GPC1: variants seen among roughly 807,000 people sequenced by gnomAD.
GPC1 encodes the protein glypican 1.
A neutral mutation model predicts 51.5 loss-of-function variants in GPC1; 26 were observed. The ratio of observed to expected loss-of-function variants is 0.50; its 90% CI spans 0.37 to 0.70. The LOEUF (loss-of-function observed/expected upper bound fraction) is 0.70. Ranked by LOEUF, GPC1 falls within the 30% of genes least tolerant of loss-of-function variation. GPC1 has a pLI of 0.00. For missense variants in GPC1, 775 were observed against 800.5 expected, an observed-to-expected ratio of 0.97 and a Z score of 0.38; for synonymous variants, 380 against 348.3, an observed-to-expected ratio of 1.09 and a Z score of -1.01.
chr2:240,452,637 G>T (rs1254272696), intron 1 of GPC1, among the ~76,000 whole-genome samples: 1 of 152,008 alleles, frequency 6.6e-6, no homozygotes, highest in Non-Finnish European at 1.5e-5. Context: ...GGAGGGAGGG[G>T]CCCGGCCTCG....
At position 240,465,175 on chromosome 2, in the gene GPC1, T is replaced by C. The variant is rs1478950737; in HGVS notation, c.1233T>C (p.Ser411=). 9 of 1,611,976 alleles carry C rather than the reference T, an allele frequency of 5.6e-6. No homozygotes were observed. Among genetic ancestry groups the C allele is most frequent in the African/African-American group, 2.7e-5 (2 of 74,920 alleles). ...CSEKMALSTA[S]DDRCWNGMAR... ...AGAAGATGGCCCTGAGCACTGCCAGTGATGACCGCTGCTGGAACGGGATGG... is the reference window on the plus strand; with the variant it reads ...AGAAGATGGCCCTGAGCACTGCCAGCGATGACCGCTGCTGGAACGGGATGG... Residue 411 remains serine, a synonymous_variant, in exon 7 of 9, where the codon AGT becomes AGC. Transcript: ENST00000264039.
chr2:240,456,871 G>A (rs1482495156), intron 1 of GPC1, among the ~76,000 whole-genome samples: 3 of 152,154 alleles, frequency 2.0e-5, no homozygotes, highest in South Asian at 2.1e-4. Flanking sequence ...GCCTGAGGGC[G>A]CCTTCCCACC....
Position 240,448,673 on chromosome 2 carries a change from C to G in GPC1, c.167-10357C>G, listed in dbSNP as rs1333870692. On this transcript the variant is annotated intron_variant, in intron 1 of 8. Coordinates refer to ENST00000264039, the MANE Select transcript of GPC1 (RefSeq NM_002081.3). This position sits in a 1 kb window ranked among gnomAD's most constrained non-coding sequence, Gnocchi z 4.5. ...TCAGGCAGGCACATGACAGGACCAC[C>G]TGCTCAGAGTCTCCCTGGGCTGGGA... Among the ~76,000 whole-genome samples, 2 of 151,842 alleles carry G rather than the reference C, an allele frequency of 1.3e-5. No homozygotes were observed. Among genetic ancestry groups the G allele is most frequent in the Admixed American group, 1.3e-4 (2 of 15,248 alleles).
intron 1 of GPC1, chr2:240,456,087 G>A (rs1378389321): frequency 6.3e-6 from 2 of 315,472 alleles, no homozygotes; most frequent in Non-Finnish European, 1.3e-5. Flanking sequence ...TGGGGCAGCT[G>A]GAACAACGCA....
At chr2:240,436,126 C>T in intron 1 of GPC1, 42 bp downstream of exon 1, 1 of 1,216,580 alleles carries the variant, frequency 8.2e-7, no homozygotes, top group Non-Finnish European at 1.0e-6. Flanking sequence ...CCTGGCCGGG[C>T]TTTGGGCTCC....
intron 1 of GPC1, chr2:240,452,336 A>C (rs1034808414): frequency 1.3e-5 from 2 of 152,154 alleles, no homozygotes; most frequent in Non-Finnish European, 2.9e-5. Flanking sequence ...GGGGGTCTGG[A>C]GTCAAGGCCC....
intron 1 of GPC1, among the ~76,000 whole-genome samples, chr2:240,445,627 G>A (rs1407995574): frequency 6.6e-6 from 1 of 152,326 alleles, no homozygotes. Context: ...TTCTGTGGGT[G>A]CACGGATGAG....
At chr2:240,450,207 G>C (rs1574762592) in intron 1 of GPC1, 2 of 323,982 alleles carry the variant, frequency 6.2e-6, no homozygotes, top group East Asian at 1.7e-4. Context: ...TGCCATGCTG[G>C]GCAGGCAGGC....
chr2:240,456,447 C>T (rs1239632168), intron 1 of GPC1: 9 of 383,010 alleles, frequency 2.3e-5, no homozygotes, highest in Middle Eastern at 4.9e-4. Context: ...CCAGCTCACT[C>T]GGTTCCTGTG....
Position 240,435,902 on chromosome 2 carries a change from G to A in GPC1, c.-17G>A, listed in dbSNP as rs922483382. ...GAGAGGCGCGGGCGGGTGGCCGGGG[G>A]CGCCGCCGGCCCCGCCATGGAGCTC... is the stretch of plus-strand genomic sequence containing the variant. On this transcript the variant is annotated 5_prime_UTR_variant, in exon 1 of 9. Transcript: ENST00000264039. 2.4e-6 allele frequency: 3 copies of A among 1,229,590 alleles called. No individual in the cohort carries two copies. The highest frequency in any genetic ancestry group is 3.5e-5 in the South Asian group (1 of 28,752). The allele number at this position is 1,229,590 out of a possible 1,614,324, so 76.2% of individuals were successfully genotyped here. A position where few individuals can be genotyped will look rare whatever the true frequency, so the allele number is the denominator to read the frequency against.
intron 1 of GPC1, chr2:240,457,508 C>G (rs190337692): frequency 4.3e-6 from 2 of 467,326 alleles, no homozygotes; most frequent in South Asian, 1.6e-5. Context: ...CAGATGGCCT[C>G]TAGTGGGTAA....
Position 240,465,175 on chromosome 2 carries a change from T to G in GPC1, c.1233T>G (p.Ser411Arg). 6.2e-7 allele frequency: 1 copy of G among 1,612,094 alleles called. No individual in the cohort carries two copies. ...AGAAGATGGCCCTGAGCACTGCCAG[T>G]GATGACCGCTGCTGGAACGGGATGG... Reference protein sequence around the residue: ...CSEKMALSTASDDRCWNGMAR... With the variant: ...CSEKMALSTARDDRCWNGMAR... Residue 411 changes from serine to arginine, a missense_variant, in exon 7 of 9, where the codon AGT (serine) becomes AGG (arginine). Ser to Arg is a moderately radical substitution (Grantham distance 110). Transcript: ENST00000264039.
chr2:240,460,417 A>C (rs2074206464), intron 2 of GPC1, among the ~76,000 whole-genome samples: 1 of 151,856 alleles, frequency 6.6e-6, no homozygotes, highest in Non-Finnish European at 1.5e-5. Context: ...CCTCCACTCT[A>C]TCCTGGGCCT....
chr2:240,457,703 G>C (rs1369913895), intron 1 of GPC1, among the ~76,000 whole-genome samples: 1 of 152,156 alleles, frequency 6.6e-6, no homozygotes, highest in Non-Finnish European at 1.5e-5. Flanking sequence ...TGCCCGGGCT[G>C]ACCCCGCCCT....
At position 240,448,151 on chromosome 2, in the gene GPC1, G is replaced by A. The variant is rs979704369; in HGVS notation, c.167-10879G>A. Among the ~76,000 whole-genome samples, 2 of 152,138 alleles carry A rather than the reference G, an allele frequency of 1.3e-5. No homozygotes were observed. ...AAGGGTGGAGAGTTCAGGAGGCACC[G>A]CAGGCCCTGTGGAGAGGCAGGAAGG... is the stretch of plus-strand genomic sequence containing the variant. On this transcript the variant is annotated intron_variant, in intron 1 of 8. Coordinates refer to ENST00000264039, the MANE Select transcript of GPC1 (RefSeq NM_002081.3). The surrounding 1 kb of genome is among the most constrained non-coding windows in gnomAD (Gnocchi z 4.5).
chr2:240,443,126 C>T (rs922246524), intron 1 of GPC1, among the ~76,000 whole-genome samples: 3 of 152,286 alleles, frequency 2.0e-5, no homozygotes, highest in Admixed American at 6.5e-5. Context: ...CTGAGGATGC[C>T]GCCGCCTGTG....
At chr2:240,464,451 C>A in intron 4 of GPC1, 165 bp from the exon 5 acceptor site, 1 of 846,314 alleles carries the variant, frequency 1.2e-6, no homozygotes, top group Non-Finnish European at 1.9e-6. Flanking sequence ...ACGTGGCCTG[C>A]ACATGTCACA....
intron 1 of GPC1, among the ~76,000 whole-genome samples, chr2:240,449,129 C>T (rs35479259): frequency 0.18 from 26,906 of 152,140 alleles, 2,473 homozygotes; most frequent in East Asian, 0.2. Flanking sequence ...GAGAGACCCA[C>T]TGCTCTCCAA....
At chr2:240,453,428 C>T (rs2074123668) in intron 1 of GPC1, among the ~76,000 whole-genome samples, 1 of 96,310 alleles carries the variant, frequency 1.0e-5, no homozygotes, top group African/African-American at 4.2e-5. Context: ...TCCCTCCGCC[C>T]GCCCCGCTCC....
Sources: allele counts gnomAD v4.1 joint callset (sites outside exome capture counted in the v4.1 genomes callset), GRCh38; gene constraint gnomAD v4.1.1; non-coding constraint Gnocchi (gnomAD v3.1); transcripts MANE v1.5; gene names NCBI Gene and HGNC (gene_info 2026-07-23, HGNC 2026-07-21).